Variants in SCUBE2 observed in about 807,000 individuals in gnomAD.
SCUBE2 encodes signal peptide, CUB domain and EGF like domain containing 2.
In SCUBE2, 114 loss-of-function variants were observed where a neutral mutation model predicts 125.9. That is an observed-to-expected ratio of 0.91 (90% confidence interval 0.78 to 1.06). The LOEUF (loss-of-function observed/expected upper bound fraction) is 1.06, where lower values mean the gene tolerates loss of function less well. SCUBE2 is among the 50% of genes least tolerant of loss of function. The pLI, the probability that SCUBE2 is intolerant of heterozygous loss-of-function variation, is 0.00. For synonymous variants in SCUBE2, 459 were observed against 492.9 expected, an observed-to-expected ratio of 0.93 and a Z score of 0.91; for missense variants, 1,255 against 1,301.8, an observed-to-expected ratio of 0.96 and a Z score of 0.55.
intron 2 of SCUBE2, among the ~76,000 whole-genome samples, chr11:9,083,764 A>G (rs1590161419): frequency 1.3e-5 from 2 of 150,284 alleles, no homozygotes; most frequent in Non-Finnish European, 1.5e-5. Flanking sequence ...CTGGTCTTGA[A>G]CTCCTGACCT....
intron 10 of SCUBE2, among the ~76,000 whole-genome samples, chr11:9,054,252 C>T (rs1015153882): frequency 1.3e-5 from 2 of 152,070 alleles, no homozygotes; most frequent in African/African-American, 4.8e-5. Flanking sequence ...CTGCCTTGGC[C>T]TCCCAAAGTG....
intron 18 of SCUBE2, 145 bp from the exon 19 acceptor site, chr11:9,030,190 C>G (rs1450552539): frequency 2.4e-6 from 2 of 839,012 alleles, no homozygotes; most frequent in Non-Finnish European, 1.8e-6. Flanking sequence ...CTAATCAACA[C>G]TTAATTCCCT....
intron 16 of SCUBE2, among the ~76,000 whole-genome samples, chr11:9,046,942 T>G (rs1421043759): frequency 1.3e-5 from 2 of 148,898 alleles, no homozygotes; most frequent in East Asian, 3.9e-4. Flanking sequence ...TAGCTAAGCT[T>G]GGGCCTCATG....
At chr11:9,040,021 G>T (rs931824373) in intron 16 of SCUBE2, among the ~76,000 whole-genome samples, 1 of 152,156 alleles carries the variant, frequency 6.6e-6, no homozygotes, top group African/African-American at 2.4e-5. Context: ...GTCCGTGGGC[G>T]CATCTTCTGC....
intron 7 of SCUBE2, among the ~76,000 whole-genome samples, chr11:9,062,788 T>C (rs767956993): frequency 2.8e-5 from 4 of 143,034 alleles, no homozygotes; most frequent in Non-Finnish European, 4.6e-5. Flanking sequence ...AAAACTCTCC[T>C]AGAAAGTAGA....
At chr11:9,052,086 C>T (rs1858471620) in intron 13 of SCUBE2, among the ~76,000 whole-genome samples, 1 of 152,170 alleles carries the variant, frequency 6.6e-6, no homozygotes, top group Admixed American at 6.5e-5. Flanking sequence ...AAAATTTCCT[C>T]AGAGGGTTGT....
intron 14 of SCUBE2, chr11:9,050,305 T>C (rs1333324329): frequency 1.5e-5 from 4 of 271,490 alleles, no homozygotes; most frequent in Non-Finnish European, 2.1e-5. Context: ...TGATCACAAA[T>C]TGCTAATTCA....
intron 9 of SCUBE2, among the ~76,000 whole-genome samples, chr11:9,056,677 G>A (rs7106265): frequency 6.6e-6 from 1 of 152,038 alleles, no homozygotes; most frequent in Admixed American, 6.5e-5. Flanking sequence ...GTCCATCTCA[G>A]CATCTCTTTC....
Position 9,074,593 on chromosome 11 carries a change from G to T in SCUBE2, c.405C>A (p.Asn135Lys), listed in dbSNP as rs144999055. ...NCLDVDECLENNGGCQHTCVN... is the reference protein window; with the variant it reads ...NCLDVDECLEKNGGCQHTCVN... ...CACAGGTATGCTGGCAGCCGCCATT[G>T]TTCTCCAGGCACTCGTCCACATCTG... The change falls in exon 4 of 23, where the codon AAC becomes AAA. Residue 135 changes from asparagine (N) to lysine (K), a missense_variant. By Grantham distance (94) the Asn-to-Lys change is moderately conservative. Coordinates refer to ENST00000649792, the MANE Select transcript of SCUBE2 (RefSeq NM_001367977.2). 6.3e-5 allele frequency: 102 copies of T among 1,614,078 alleles called. No individual in the cohort carries two copies. The highest frequency in any genetic ancestry group is 8.8e-5 in the South Asian group (8 of 91,088).
At chr11:9,030,737 G>T in intron 18 of SCUBE2, 21 bp downstream of exon 18, 1 of 1,602,440 alleles carries the variant, frequency 6.2e-7, no homozygotes, top group South Asian at 1.1e-5. Flanking sequence ...CCTAGAAAAA[G>T]GCAAGCTGCC....
At chr11:9,083,785 C>T (rs759039739) in intron 2 of SCUBE2, among the ~76,000 whole-genome samples, 38 of 152,184 alleles carry the variant, frequency 2.5e-4, no homozygotes, top group Non-Finnish European at 1.6e-4. Context: ...TGTGACCCAC[C>T]CGCCTCGGCC....
chr11:9,053,434 C>T lies in SCUBE2; in HGVS notation c.1330+203G>A, dbSNP rs988289198. On this transcript the variant is annotated intron_variant, in intron 11 of 22. Transcript: ENST00000649792. Reference sequence around the variant, plus strand: ...CAACCAGGAAAACAGAAGTGAGTTCCAACCTACACAGAAGCACAGAAGGAA... The same window carrying T: ...CAACCAGGAAAACAGAAGTGAGTTCTAACCTACACAGAAGCACAGAAGGAA... Among the ~76,000 whole-genome samples, 14 of 152,232 alleles carry T rather than the reference C, an allele frequency of 9.2e-5. No individual in the cohort carries two copies. Among genetic ancestry groups the T allele is most frequent in the African/African-American group, 2.9e-4 (12 of 41,460 alleles).
At chr11:9,022,682 C>T (rs954993926) in intron 21 of SCUBE2, 1 of 152,616 alleles carries the variant, frequency 6.6e-6, no homozygotes, top group Non-Finnish European at 1.5e-5. Flanking sequence ...TTCCAGGACA[C>T]CATGCTCTTT....
At chr11:9,033,544 GT>G (rs1856500134) in intron 17 of SCUBE2, 81 bp downstream of exon 17, 1 of 1,500,134 alleles carries the variant, frequency 6.7e-7, no homozygotes, top group Admixed American at 1.9e-5. Context: ...AGTGTGCATT[GT>G]CTGGAGTCCT....
intron 7 of SCUBE2, among the ~76,000 whole-genome samples, chr11:9,063,728 G>C (rs770898331): frequency 5.9e-5 from 9 of 152,374 alleles, no homozygotes; most frequent in Middle Eastern, 3.4e-3. Context: ...ATTGTAGGCT[G>C]ATGGTGAATG....
intron 5 of SCUBE2, among the ~76,000 whole-genome samples, chr11:9,067,867 G>T (rs7108310): frequency 6.8e-4 from 13 of 19,078 alleles, no homozygotes; most frequent in African/African-American, 1.2e-3. Flanking sequence ...CCACCCCCCC[G>T]CCCCCTTCAG....
chr11:9,087,714 A>T (rs902082994), intron 2 of SCUBE2, among the ~76,000 whole-genome samples: 3 of 152,192 alleles, frequency 2.0e-5, no homozygotes, highest in Non-Finnish European at 2.9e-5. Context: ...TGCCCGTCAT[A>T]ATCCCATCTG....
chr11:9,058,529 G>C (rs1449390433), intron 9 of SCUBE2, among the ~76,000 whole-genome samples: 4 of 148,124 alleles, frequency 2.7e-5, no homozygotes, highest in African/African-American at 7.5e-5. Context: ...CTGGGAGGCG[G>C]AGGTTGCAGT....
Position 9,060,535 on chromosome 11 carries a change from G to C in SCUBE2, c.851-11C>G, listed in dbSNP as rs757543375. On this transcript the variant is annotated splice_polypyrimidine_tract_variant and intron_variant, in intron 7 of 22. Transcript: ENST00000649792. ...TGACAGCACACGTTTCTGGCAAGGA[G>C]GTAAGAAAAGACAATTAGCTTCCCA... is the stretch of plus-strand genomic sequence containing the variant. The C allele has an allele frequency of 6.2e-7, 1 of 1,607,900 alleles. No individual in the cohort carries two copies. The highest frequency in any genetic ancestry group is 1.3e-5 in the African/African-American group (1 of 74,816).
Sources: gnomAD v4.1 joint callset for allele counts (sites outside exome capture counted in the v4.1 genomes callset) on GRCh38, gnomAD v4.1.1 for gene constraint, MANE v1.5 for transcripts, NCBI Gene and HGNC (gene_info 2026-07-23, HGNC 2026-07-21) for gene names.